Variants in SLC45A2 observed in about 807,000 individuals in gnomAD.
The protein encoded by SLC45A2 is solute carrier family 45 member 2.
Under a neutral mutation model 45.5 loss-of-function variants are expected in SLC45A2, and 36 were observed. That is an observed-to-expected ratio of 0.79 (90% CI 0.61 to 1.04). The LOEUF (loss-of-function observed/expected upper bound fraction) is 1.04. Ranked by LOEUF, SLC45A2 falls within the 50% of genes least tolerant of loss-of-function variation. The pLI, the probability that SLC45A2 is intolerant of heterozygous loss-of-function variation, is 0.00. For synonymous variants in SLC45A2, 306 were observed against 269.3 expected, an observed-to-expected ratio of 1.14 and a Z score of -1.33; for missense variants, 719 against 671.0, an observed-to-expected ratio of 1.07 and a Z score of -0.79.
intron 6 of SLC45A2, among the ~76,000 whole-genome samples, chr5:33,945,467 T>C (rs1751891029): frequency 6.6e-6 from 1 of 152,212 alleles, no homozygotes; most frequent in South Asian, 2.1e-4. Context: ...TAATGTTTGG[T>C]TAATACTTGA....
chr5:33,955,189 G>C (rs2111930718), intron 3 of SLC45A2, among the ~76,000 whole-genome samples: 1 of 152,274 alleles, frequency 6.6e-6, no homozygotes, highest in Non-Finnish European at 1.5e-5. Flanking sequence ...GGACCTGAGA[G>C]TGACATTTAG....
At chr5:33,982,609 G>C (rs1395190759) in intron 1 of SLC45A2, among the ~76,000 whole-genome samples, 197 bp from the exon 2 acceptor site, 1 of 152,046 alleles carries the variant, frequency 6.6e-6, no homozygotes, top group Non-Finnish European at 1.5e-5. Flanking sequence ...CAAATCTATG[G>C]AGACACAAAG....
At position 33,962,165 on chromosome 5, in the gene SLC45A2, C is replaced by T. The variant is rs918939528; in HGVS notation, c.888+1526G>A. Reference sequence around the variant, plus strand: ...CTGATACATTGTTTTATAGCATTTACCATGTTCTATCATGGATTATGAGTC... The same window carrying T: ...CTGATACATTGTTTTATAGCATTTATCATGTTCTATCATGGATTATGAGTC... On this transcript the variant is annotated intron_variant, in intron 3 of 6. Coordinates refer to ENST00000296589, the MANE Select transcript of SLC45A2 (RefSeq NM_016180.5). Among the ~76,000 whole-genome samples, 84 of 152,158 alleles carry T rather than the reference C, an allele frequency of 5.5e-4. 1 individual carries two copies. The highest frequency in any genetic ancestry group is 2.0e-3 in the African/African-American group (82 of 41,436).
chr5:33,965,697 G>A (rs570191122), intron 2 of SLC45A2, among the ~76,000 whole-genome samples: 21 of 152,342 alleles, frequency 1.4e-4, no homozygotes, highest in African/African-American at 4.8e-4. Flanking sequence ...AGAATGTTCT[G>A]GGATTTGTAG....
At chr5:33,957,143 G>A (rs1311325568) in intron 3 of SLC45A2, among the ~76,000 whole-genome samples, 2 of 152,116 alleles carry the variant, frequency 1.3e-5, no homozygotes, top group Non-Finnish European at 2.9e-5. Context: ...ATAGCTTTTA[G>A]CATCTTGTCA....
chr5:33,970,406 T>C (rs1273118251), intron 2 of SLC45A2, among the ~76,000 whole-genome samples: 1 of 152,270 alleles, frequency 6.6e-6, no homozygotes, highest in African/African-American at 2.4e-5. Flanking sequence ...CTGTAATGCT[T>C]ATTGTTTGGC....
At chr5:33,954,309 A>G in intron 4 of SLC45A2, 52 bp downstream of exon 4, 2 of 1,612,194 alleles carry the variant, frequency 1.2e-6, no homozygotes, top group South Asian at 2.2e-5. Flanking sequence ...AACAGGTGTT[A>G]ATGGAGGAAA....
At chr5:33,955,144 A>C (rs1050250893) in intron 3 of SLC45A2, among the ~76,000 whole-genome samples, 2 of 152,192 alleles carry the variant, frequency 1.3e-5, no homozygotes, top group Admixed American at 1.3e-4. Flanking sequence ...AGCACAAGAA[A>C]TGTCTGCTTT....
chr5:33,984,429 T>C lies in SLC45A2; in HGVS notation c.155A>G (p.Glu52Gly). 6.2e-7 allele frequency: 1 copy of C among 1,613,726 alleles called. No homozygotes were observed. Among genetic ancestry groups the C allele is most frequent in the Non-Finnish European group, 8.5e-7 (1 of 1,179,872 alleles). The change falls in exon 1 of 7, where the codon GAG becomes GGG. Residue 52 changes from glutamate (E) to glycine (G), a missense_variant. Glu to Gly is a moderately conservative substitution (Grantham distance 98, BLOSUM62 -2). Transcript: ENST00000296589. ...CAGGACTGGGGTCACATACGCTGCC[T>C]CCACCGCGTAGCAGAACTCTCTTCC... is the stretch of plus-strand genomic sequence containing the variant. ...MFGREFCYAV[E>G]AAYVTPVLLS...
At position 33,963,968 on chromosome 5, in the gene SLC45A2, T is replaced by G; in HGVS notation, c.611A>C (p.His204Pro). 1 of 1,614,104 alleles carries G rather than the reference T, an allele frequency of 6.2e-7. No homozygotes were observed. Residue 204 changes from histidine (H) to proline (P), a missense_variant, in exon 3 of 7, where the codon CAT (histidine) becomes CCT (proline). His to Pro is a moderately conservative substitution (Grantham distance 77, BLOSUM62 -2). Coordinates refer to ENST00000296589, the MANE Select transcript of SLC45A2 (RefSeq NM_016180.5). ...GYLLGAIDWA[H>P]LELGRLLGTE... ...ACCCAACAGTCTTCCCAGCTCCAGA[T>G]GGGCCCAGTCTATAGCACCCAAAAG... is the stretch of plus-strand genomic sequence containing the variant.
intron 2 of SLC45A2, among the ~76,000 whole-genome samples, chr5:33,974,176 G>A (rs1752861198): frequency 6.6e-6 from 1 of 152,212 alleles, no homozygotes; most frequent in South Asian, 2.1e-4. Flanking sequence ...GTGCACCCAG[G>A]AGTGAAGGAT....
Position 33,984,579 on chromosome 5 carries a change from C to T in SLC45A2, c.5G>A (p.Gly2Asp), listed in dbSNP as rs1753194667. 1.9e-6 allele frequency: 3 copies of T among 1,609,430 alleles called. No homozygotes were observed. The Admixed American group carries it at 5.0e-5, about 27-fold the overall frequency. Reference protein sequence around the residue: MGSNSGQAGRHI... With the variant: MDSNSGQAGRHI... ...GCGGCCAGCCTGCCCACTGTTGCTA[C>T]CCATGGCCACTGGGAGAGGAACCTT... Residue 2 changes from glycine to aspartate, a missense_variant, in exon 1 of 7, where the codon GGT (glycine) becomes GAT (aspartate). Physicochemically the swap from Gly to Asp is moderately conservative, Grantham distance 94 (BLOSUM62 -1). Transcript: ENST00000296589.
At chr5:33,964,430 G>A (rs1442533301) in intron 2 of SLC45A2, among the ~76,000 whole-genome samples, 1 of 152,130 alleles carries the variant, frequency 6.6e-6, no homozygotes, top group Non-Finnish European at 1.5e-5. Context: ...ACCAGAAAAA[G>A]CCCCAAAGAA....
At position 33,946,888 on chromosome 5, in the gene SLC45A2, G is replaced by A. The variant is rs911677091; in HGVS notation, c.1368+275C>T. ...TGGGCTGGTTTCTCAGCCTCACCAA[G>A]CCTTTTTCTAATTAGAAAAATGGGA... On this transcript the variant is annotated intron_variant, in intron 6 of 6. Transcript: ENST00000296589. 5 of 1,393,876 alleles carry A rather than the reference G, an allele frequency of 3.6e-6. No individual in the cohort carries two copies. The African/African-American group carries it at 5.8e-5, about 16-fold the overall frequency. The allele number at this position is 1,393,876 out of a possible 1,614,324, so 86.3% of individuals were successfully genotyped here.
intron 3 of SLC45A2, among the ~76,000 whole-genome samples, chr5:33,954,764 C>T (rs1752226874): frequency 6.6e-6 from 1 of 152,170 alleles, no homozygotes; most frequent in African/African-American, 2.4e-5. Context: ...GTGCTAGCTT[C>T]AGGCCAAGGT....
At chr5:33,958,841 A>T (rs1380922852) in intron 3 of SLC45A2, among the ~76,000 whole-genome samples, 1 of 152,132 alleles carries the variant, frequency 6.6e-6, no homozygotes, top group Non-Finnish European at 1.5e-5. Context: ...ATTTCATGTG[A>T]TCCTCACAGC....
At chr5:33,973,771 G>A (rs1465097301) in intron 2 of SLC45A2, among the ~76,000 whole-genome samples, 5 of 144,344 alleles carry the variant, frequency 3.5e-5, no homozygotes, top group Non-Finnish European at 6.3e-5. Context: ...TGAGGATAGC[G>A]GAAATCAAGT....
chr5:33,961,931 A>C (rs1752470014), intron 3 of SLC45A2, among the ~76,000 whole-genome samples: 1 of 152,194 alleles, frequency 6.6e-6, no homozygotes, highest in African/African-American at 2.4e-5. Context: ...GCCTGAGTGA[A>C]GCTTTCTTGA....
At chr5:33,968,322 A>AT (rs1752666929) in intron 2 of SLC45A2, among the ~76,000 whole-genome samples, 1 of 152,180 alleles carries the variant, frequency 6.6e-6, no homozygotes, top group African/African-American at 2.4e-5. Context: ...CCACACCTAC[A>AT]TCCAGACTGT....
Sources: allele counts gnomAD v4.1 joint callset (sites outside exome capture counted in the v4.1 genomes callset), GRCh38; gene constraint gnomAD v4.1.1; transcripts MANE v1.5; gene names NCBI Gene and HGNC (gene_info 2026-07-23, HGNC 2026-07-21).